CDH13: variants seen among roughly 807,000 people sequenced by gnomAD.
CDH13 encodes cadherin-13.
CDH13 carries 24 observed loss-of-function variants against 63.8 expected under a neutral mutation model. The ratio of observed to expected loss-of-function variants is 0.38; its 90% CI spans 0.27 to 0.53. CDH13 has a LOEUF of 0.53. Ranked by LOEUF, CDH13 falls within the 20% of genes least tolerant of loss-of-function variation. The pLI, the probability that CDH13 is intolerant of heterozygous loss-of-function variation, is 0.85. For missense variants in CDH13, 1,049 were observed against 903.1 expected (o/e 1.16, Z -2.07); for synonymous variants, 503 against 355.3 (o/e 1.42, Z -4.67).
chr16:83,377,961 A>G (rs1378946910), intron 6 of CDH13, among the ~76,000 whole-genome samples: 2 of 152,212 alleles, frequency 1.3e-5, no homozygotes, highest in Non-Finnish European at 2.9e-5. Flanking sequence ...TGGCTTAATG[A>G]GTAGAAGATG....
chr16:83,062,421 T>A (rs576502026), intron 3 of CDH13, among the ~76,000 whole-genome samples: 8 of 152,232 alleles, frequency 5.3e-5, no homozygotes, highest in African/African-American at 1.9e-4. Flanking sequence ...CACGTAGTGC[T>A]TCAGTAAGAA....
At chr16:83,250,488 G>C (rs1307699388) in intron 5 of CDH13, among the ~76,000 whole-genome samples, 2 of 152,136 alleles carry the variant, frequency 1.3e-5, no homozygotes, top group African/African-American at 2.4e-5. Context: ...GCAGTCAGAG[G>C]CTCTGCTGAA....
At chr16:82,812,057 G>A (rs758689137) in intron 1 of CDH13, among the ~76,000 whole-genome samples, 4 of 152,150 alleles carry the variant, frequency 2.6e-5, no homozygotes, top group African/African-American at 9.7e-5. Flanking sequence ...TTTGATGGAT[G>A]AGCAGACTAC....
At chr16:83,303,106 A>G (rs773460575) in intron 5 of CDH13, among the ~76,000 whole-genome samples, 5 of 152,314 alleles carry the variant, frequency 3.3e-5, no homozygotes, top group South Asian at 2.1e-4. Flanking sequence ...TTTATCTGTC[A>G]TCTTTGGGAG....
intron 5 of CDH13, among the ~76,000 whole-genome samples, chr16:83,328,606 A>T (rs2090419740): frequency 6.6e-6 from 1 of 152,166 alleles, no homozygotes; most frequent in East Asian, 1.9e-4. Flanking sequence ...TGGGTAAGAG[A>T]TGGTGGCTTG....
intron 1 of CDH13, among the ~76,000 whole-genome samples, chr16:82,657,238 A>G (rs113858641): frequency 2.2e-4 from 33 of 152,322 alleles, no homozygotes; most frequent in African/African-American, 7.5e-4. Context: ...TAAGAGATGA[A>G]CAACAATTGC....
chr16:82,723,343 C>A (rs992033499), intron 1 of CDH13, among the ~76,000 whole-genome samples: 7 of 152,102 alleles, frequency 4.6e-5, no homozygotes, highest in Non-Finnish European at 1.0e-4. Flanking sequence ...ATTTATTGAA[C>A]CTTTTTGTGG....
intron 5 of CDH13, among the ~76,000 whole-genome samples, chr16:83,250,135 T>C (rs1275501546): frequency 6.6e-6 from 1 of 152,226 alleles, no homozygotes; most frequent in Non-Finnish European, 1.5e-5. Flanking sequence ...ATTATTGCTA[T>C]GTTTAAAATA....
At chr16:82,924,472 G>C (rs892994119) in intron 2 of CDH13, among the ~76,000 whole-genome samples, 1 of 152,138 alleles carries the variant, frequency 6.6e-6, no homozygotes, top group African/African-American at 2.4e-5. Context: ...TGCGGTTTTC[G>C]GGCTTTTTCT....
intron 5 of CDH13, among the ~76,000 whole-genome samples, chr16:83,301,969 G>GA (rs35275432): frequency 0.3 from 42,117 of 142,338 alleles, 6,002 homozygotes; most frequent in Admixed American, 0.37. Flanking sequence ...GTAAATTTAA[G>GA]AAAAAAAAAA....
At chr16:83,038,364 G>A (rs1438475822) in intron 3 of CDH13, among the ~76,000 whole-genome samples, 4 of 152,228 alleles carry the variant, frequency 2.6e-5, no homozygotes, top group Non-Finnish European at 5.9e-5. Flanking sequence ...TTTTTAATGG[G>A]CTTCCCAGAA....
intron 12 of CDH13, 76 bp downstream of exon 12, chr16:83,780,277 C>T: frequency 1.1e-6 from 1 of 938,926 alleles, no homozygotes; most frequent in South Asian, 1.6e-5. Context: ...TGCTGTTTCT[C>T]TACTGTTCTC....
At chr16:82,704,806 C>A (rs2031348307) in intron 1 of CDH13, among the ~76,000 whole-genome samples, 1 of 152,108 alleles carries the variant, frequency 6.6e-6, no homozygotes, top group South Asian at 2.1e-4. Context: ...GCTAAGTGGC[C>A]AGAATAATAT....
chr16:83,376,972 G>T (rs2091471317), intron 6 of CDH13, among the ~76,000 whole-genome samples: 1 of 152,118 alleles, frequency 6.6e-6, no homozygotes, highest in Admixed American at 6.6e-5. Flanking sequence ...CAAGCTATAT[G>T]AAAGGGCCTT....
chr16:82,984,044 C>T (rs1444028458), intron 2 of CDH13, among the ~76,000 whole-genome samples: 1 of 152,204 alleles, frequency 6.6e-6, no homozygotes, highest in Non-Finnish European at 1.5e-5. Context: ...CCACCTCAGA[C>T]AGTTGTAGAA....
At chr16:82,857,911 G>T (rs2039770012) in intron 1 of CDH13, among the ~76,000 whole-genome samples, 1 of 152,182 alleles carries the variant, frequency 6.6e-6, no homozygotes, top group Admixed American at 6.5e-5. Flanking sequence ...CACAGTGAAG[G>T]CTTAACAGGT....
intron 1 of CDH13, among the ~76,000 whole-genome samples, chr16:82,681,745 C>T (rs550394256): frequency 3.0e-4 from 45 of 152,280 alleles, no homozygotes; most frequent in African/African-American, 9.9e-4. Flanking sequence ...TGCCAAAGCC[C>T]GTGTCCACGC....
chr16:83,791,772 T>C (rs1372058296), intron 13 of CDH13, among the ~76,000 whole-genome samples: 7 of 138,740 alleles, frequency 5.0e-5, no homozygotes, highest in African/African-American at 1.6e-4. Context: ...GACTGCGCCA[T>C]TGCACTCCAG....
At chr16:82,937,626 G>A (rs565203091) in intron 2 of CDH13, among the ~76,000 whole-genome samples, 1 of 152,294 alleles carries the variant, frequency 6.6e-6, no homozygotes, top group African/African-American at 2.4e-5. Flanking sequence ...GTTGCAAACA[G>A]ATATATTGTT....
Sources: gnomAD v4.1 joint callset for allele counts (sites outside exome capture counted in the v4.1 genomes callset) on GRCh38, gnomAD v4.1.1 for gene constraint, MANE v1.5 for transcripts, NCBI Gene and HGNC (gene_info 2026-07-23, HGNC 2026-07-21) for gene names.